RREB1: variants seen among roughly 807,000 people sequenced by gnomAD.
RREB1 encodes the protein ras-responsive element-binding protein 1.
In RREB1, 27 loss-of-function variants were observed where a neutral mutation model predicts 117.8. The ratio of observed to expected loss-of-function variants is 0.23; its 90% CI spans 0.17 to 0.32. RREB1 has a LOEUF of 0.32. Ranked by LOEUF, RREB1 falls within the 10% of genes least tolerant of loss-of-function variation. RREB1 has a pLI of 1.00. For synonymous variants in RREB1, 1,298 were observed against 1,026.7 expected (o/e 1.26, Z -5.05); for missense variants, 2,577 against 2,378.2 (o/e 1.08, Z -1.74).
intron 2 of RREB1, among the ~76,000 whole-genome samples, chr6:7,177,863 C>T (rs1764585805): frequency 6.6e-6 from 1 of 152,168 alleles, no homozygotes; most frequent in African/African-American, 2.4e-5. Context: ...GCTGGGATTA[C>T]AGGCATGTGC....
At chr6:7,166,784 GGATTGCTTAGCTTGCAGCT>G (rs1457265161) in intron 1 of RREB1, among the ~76,000 whole-genome samples, 1 of 152,154 alleles carries the variant, frequency 6.6e-6, no homozygotes, top group Non-Finnish European at 1.5e-5. Context: ...ACCTGCCCTG[GGATTGCTTAGCTTGCAGCT>G]CGTCCCTGGG....
intron 1 of RREB1, among the ~76,000 whole-genome samples, chr6:7,172,749 C>T (rs895205481): frequency 3.3e-5 from 5 of 152,082 alleles, no homozygotes; most frequent in Non-Finnish European, 7.4e-5. Flanking sequence ...AGCCTGGACC[C>T]TAAGCCAAGA....
At chr6:7,148,328 C>T (rs1174197502) in intron 1 of RREB1, among the ~76,000 whole-genome samples, 2 of 152,224 alleles carry the variant, frequency 1.3e-5, no homozygotes, top group Admixed American at 1.3e-4. Flanking sequence ...GAAGGAGACA[C>T]ATTGACAACA....
chr6:7,230,169 G>A lies in RREB1; in HGVS notation c.2070G>A (p.Leu690=). The A allele has an allele frequency of 6.2e-7, 1 of 1,607,088 alleles. No individual in the cohort carries two copies. The highest frequency in any genetic ancestry group is 8.5e-7 in the Non-Finnish European group (1 of 1,179,864). ...ACAAGGCCGCGCTCATCCGCCACCT[G>A]CGCACGCACAGTGGGGAGCGGCCCT... ...AADKAALIRH[L]RTHSGERPYI... The change falls in exon 10 of 13, where the codon CTG becomes CTA. Residue 690 remains leucine (L), a synonymous_variant. Coordinates refer to ENST00000379938, the MANE Select transcript of RREB1 (RefSeq NM_001003699.4).
intron 1 of RREB1, among the ~76,000 whole-genome samples, chr6:7,148,244 G>A (rs1350954796): frequency 1.3e-5 from 2 of 152,126 alleles, no homozygotes; most frequent in Non-Finnish European, 2.9e-5. Flanking sequence ...TGTAGATACA[G>A]CCCTGGCCAC....
At chr6:7,240,841 T>C (rs1463215223) in intron 11 of RREB1, among the ~76,000 whole-genome samples, 1 of 152,074 alleles carries the variant, frequency 6.6e-6, no homozygotes, top group Non-Finnish European at 1.5e-5. Context: ...CCTCGGTGAC[T>C]CTCGGGGCTG....
intron 1 of RREB1, among the ~76,000 whole-genome samples, chr6:7,108,884 G>T (rs1319108097): frequency 6.6e-6 from 1 of 151,660 alleles, no homozygotes; most frequent in Non-Finnish European, 1.5e-5. Flanking sequence ...TCGTGGTCAC[G>T]CCGACCACCG....
intron 1 of RREB1, among the ~76,000 whole-genome samples, chr6:7,156,436 G>A (rs1763364504): frequency 6.6e-6 from 1 of 152,210 alleles, no homozygotes; most frequent in South Asian, 2.1e-4. Flanking sequence ...GAAGGCCAGG[G>A]AACACTGTGC....
At chr6:7,126,261 A>G (rs534832380) in intron 1 of RREB1, among the ~76,000 whole-genome samples, 12 of 151,346 alleles carry the variant, frequency 7.9e-5, no homozygotes, top group African/African-American at 2.7e-4. Flanking sequence ...TGGCCTCCCA[A>G]AGTGCTGGGA....
rs1407583155 is a variant in RREB1, at chr6:7,230,306, A to G, written c.2207A>G (p.Tyr736Cys). 5.7e-6 allele frequency: 9 copies of G among 1,592,684 alleles called. No individual in the cohort carries two copies. Among genetic ancestry groups the G allele is most frequent in the African/African-American group, 1.3e-5 (1 of 74,882 alleles). The change falls in exon 10 of 13, where the codon TAT (tyrosine) becomes TGT (cysteine). Residue 736 changes from tyrosine to cysteine, a missense_variant. Tyr to Cys is a radical substitution (Grantham distance 194, BLOSUM62 -2). Coordinates refer to ENST00000379938, the MANE Select transcript of RREB1 (RefSeq NM_001003699.4). ...TRKDIEKNIE[Y>C]VSSSAAELVD... ...AAGGATATCGAGAAGAACATCGAGTATGTGAGTAGCAGCGCGGCCGAGCTG... is the reference window on the plus strand; with the variant it reads ...AAGGATATCGAGAAGAACATCGAGTGTGTGAGTAGCAGCGCGGCCGAGCTG...
At chr6:7,186,997 G>T (rs992000567) in intron 4 of RREB1, among the ~76,000 whole-genome samples, 1 of 152,198 alleles carries the variant, frequency 6.6e-6, no homozygotes, top group Non-Finnish European at 1.5e-5. Flanking sequence ...TATCTCTCAG[G>T]TGTTCTTGGA....
rs542210636 is a variant in RREB1 at position 7,155,463 on chromosome 6, A to G, written c.-284-21192A>G. Among the ~76,000 whole-genome samples, 331 of 152,274 alleles carry G rather than the reference A, an allele frequency of 2.2e-3. 2 individuals carry two copies. Among genetic ancestry groups the G allele is most frequent in the Middle Eastern group, 6.8e-3 (2 of 292 alleles). The stretch of plus-strand genomic sequence containing the variant: ...GTGGCTGGGATTATAGGCCTGTGCC[A>G]CCACACCCAGCTAATTTTCATATTT... On this transcript the variant is annotated intron_variant, in intron 1 of 12. Coordinates refer to ENST00000379938, the MANE Select transcript of RREB1 (RefSeq NM_001003699.4).
At chr6:7,237,289 A>G (rs1768395299) in intron 10 of RREB1, among the ~76,000 whole-genome samples, 1 of 151,794 alleles carries the variant, frequency 6.6e-6, no homozygotes, top group South Asian at 2.1e-4. Flanking sequence ...GTTTCACCAC[A>G]TTGGCCAGGC....
Position 7,247,001 on chromosome 6 carries a change from C to T in RREB1, c.4551C>T (p.Ala1517=). 1 of 1,602,780 alleles carries T rather than the reference C, an allele frequency of 6.2e-7. No individual in the cohort carries two copies. The highest frequency in any genetic ancestry group is 8.5e-7 in the Non-Finnish European group (1 of 1,175,074). Reference sequence around the variant, plus strand: ...AGTCGGCCCCGGGTGCCGGGGAGGCCCCGGCGGAAAAGCTCGCGGAGGAGA... The same window carrying T: ...AGTCGGCCCCGGGTGCCGGGGAGGCTCCGGCGGAAAAGCTCGCGGAGGAGA... ...VVESAPGAGE[A]PAEKLAEETE... is the part of the protein sequence containing the mutation. The change falls in exon 12 of 13, where the codon GCC becomes GCT. Residue 1517 remains alanine (A), a synonymous_variant. Transcript: ENST00000379938.
At chr6:7,131,819 G>A (rs1339744191) in intron 1 of RREB1, among the ~76,000 whole-genome samples, 1 of 152,040 alleles carries the variant, frequency 6.6e-6, no homozygotes, top group East Asian at 1.9e-4. Context: ...TTTAAATGGG[G>A]GAAGAAAGGG....
intron 1 of RREB1, among the ~76,000 whole-genome samples, chr6:7,126,295 C>T (rs532104727): frequency 6.8e-4 from 102 of 149,012 alleles, no homozygotes; most frequent in African/African-American, 2.1e-3. Flanking sequence ...CCACTGCGCC[C>T]GGCCTCGATT....
chr6:7,138,633 G>C (rs1393441266), intron 1 of RREB1, among the ~76,000 whole-genome samples: 1 of 152,112 alleles, frequency 6.6e-6, no homozygotes, highest in African/African-American at 2.4e-5. Flanking sequence ...AAAATTGACA[G>C]TTTTCTAGCT....
At chr6:7,167,392 T>C (rs1763993678) in intron 1 of RREB1, among the ~76,000 whole-genome samples, 2 of 150,782 alleles carry the variant, frequency 1.3e-5, no homozygotes, top group Admixed American at 1.3e-4. Flanking sequence ...TTGCTCTTGT[T>C]GCCCGGGCTG....
intron 1 of RREB1, among the ~76,000 whole-genome samples, chr6:7,161,078 G>A (rs565452979): frequency 2.0e-5 from 3 of 152,088 alleles, no homozygotes; most frequent in African/African-American, 4.8e-5. Context: ...CGATCCTCTC[G>A]CCTCGGCCTT....
Sources: gnomAD v4.1 joint callset for allele counts (sites outside exome capture counted in the v4.1 genomes callset) on GRCh38, gnomAD v4.1.1 for gene constraint, MANE v1.5 for transcripts, NCBI Gene and HGNC (gene_info 2026-07-23, HGNC 2026-07-21) for gene names.